Variants in DUOX1 observed in about 807,000 individuals in gnomAD.
DUOX1 encodes NADPH thyroid oxidase 1.
DUOX1 carries 134 observed loss-of-function variants against 181.8 expected under a neutral mutation model. The ratio of observed to expected loss-of-function variants is 0.74; its 90% CI spans 0.64 to 0.85. The LOEUF is 0.85. Among genes scored for constraint, DUOX1 ranks in the 40% least tolerant of loss-of-function variants. The pLI is 0.00. For synonymous variants in DUOX1, 798 were observed against 832.5 expected (o/e 0.96, Z 0.71); for missense variants, 1,814 against 2,064.4 (o/e 0.88, Z 2.35).
At chr15:45,162,704 C>A (rs1897139031) in intron 31 of DUOX1, among the ~76,000 whole-genome samples, 1 of 152,252 alleles carries the variant, frequency 6.6e-6, no homozygotes, top group African/African-American at 2.4e-5. Flanking sequence ...TTCCTTCTTA[C>A]AAAGGAGCCC....
At chr15:45,150,603 C>T in intron 21 of DUOX1, 29 bp from the exon 22 acceptor site, 2 of 1,610,782 alleles carry the variant, frequency 1.2e-6, no homozygotes, top group Non-Finnish European at 1.7e-6. Flanking sequence ...GGACCCTGAG[C>T]TGCTCCCTAG....
intron 9 of DUOX1, among the ~76,000 whole-genome samples, chr15:45,137,070 G>A (rs923573277): frequency 2.6e-5 from 4 of 151,848 alleles, no homozygotes; most frequent in Middle Eastern, 3.4e-3. Context: ...GACATAGGCC[G>A]GGAGCAGTGG....
chr15:45,149,813 T>G (rs896426078), intron 21 of DUOX1, among the ~76,000 whole-genome samples: 1 of 152,234 alleles, frequency 6.6e-6, no homozygotes, highest in Non-Finnish European at 1.5e-5. Context: ...ATTGTGCCAC[T>G]GCACTCCAAC....
intron 17 of DUOX1, 89 bp from the exon 18 acceptor site, chr15:45,144,806 C>T (rs1418034563): frequency 7.3e-7 from 1 of 1,375,514 alleles, no homozygotes; most frequent in African/African-American, 1.5e-5. Flanking sequence ...CAAGGCCACC[C>T]CAGTGGCCCC....
rs1454812200 is a variant in DUOX1 at position 45,164,801 on chromosome 15, G to A, written c.4556G>A (p.Ser1519Asn). 1 of 1,614,174 alleles carries A rather than the reference G, an allele frequency of 6.2e-7. No homozygotes were observed. Among genetic ancestry groups the A allele is most frequent in the Middle Eastern group, 1.6e-4 (1 of 6,062 alleles). Residue 1519 changes from serine (S) to asparagine (N), a missense_variant, in exon 34 of 34, where the codon AGC becomes AAC. Physicochemically the swap from Ser to Asn is conservative, Grantham distance 46. Transcript: ENST00000389037. ...HPQVRKIGVF[S>N]CGPPGMTKNV... Reference sequence around the variant, plus strand: ...CAGGTCCGGAAGATCGGGGTGTTTAGCTGTGGCCCCCCTGGCATGACCAAG... The same window carrying A: ...CAGGTCCGGAAGATCGGGGTGTTTAACTGTGGCCCCCCTGGCATGACCAAG...
chr15:45,141,782 GTACACTTC>G, intron 14 of DUOX1, 185 bp from the exon 15 acceptor site: 1 of 502,754 alleles, frequency 2.0e-6, no homozygotes, highest in East Asian at 3.1e-5. Flanking sequence ...GTGTGTGTGT[GTACACTTC>G]TGTGTGTGAG....
Position 45,142,094 on chromosome 15 carries a change from C to T in DUOX1, c.1804C>T (p.Leu602Phe). 1.2e-6 allele frequency: 2 copies of T among 1,613,822 alleles called. No individual in the cohort carries two copies. The highest frequency in any genetic ancestry group is 1.7e-6 in the Non-Finnish European group (2 of 1,179,894). The change falls in exon 15 of 34, where the codon CTC (leucine) becomes TTC (phenylalanine). Residue 602 changes from leucine (L) to phenylalanine (F), a missense_variant. Physicochemically the swap from Leu to Phe is conservative, Grantham distance 22 (BLOSUM62 0). Coordinates refer to ENST00000389037, the MANE Select transcript of DUOX1 (RefSeq NM_175940.3). ...GFGFGVTIGT[L>F]CCFPLVSLLS... ...TGGCTTCGGGGTCACCATCGGGACC[C>T]TCTGTTGCTTCCCTTTGGGTAAAAT...
At chr15:45,142,144 G>C (rs748578174) in intron 15 of DUOX1, 32 bp downstream of exon 15, 44 of 1,603,494 alleles carry the variant, frequency 2.7e-5, no homozygotes, top group Non-Finnish European at 3.6e-5. Context: ...GGTGGGGTGA[G>C]AGATGCAAGC....
At chr15:45,158,686 C>G (rs1271973403) in intron 28 of DUOX1, among the ~76,000 whole-genome samples, 1 of 111,658 alleles carries the variant, frequency 9.0e-6, no homozygotes, top group African/African-American at 3.6e-5. Flanking sequence ...TGGGTGACAG[C>G]GAGACTTCCA....
chr15:45,145,189 A>T, intron 18 of DUOX1, 109 bp downstream of exon 18: 1 of 1,073,362 alleles, frequency 9.3e-7, no homozygotes, highest in Non-Finnish European at 1.3e-6. Context: ...TCAGCTAATA[A>T]TCAAGTCTAT....
In DUOX1 at chr15:45,147,987, A is replaced by G. The variant is rs1896698614; in HGVS notation, c.2632A>G (p.Arg878Gly). The G allele has an allele frequency of 1.2e-6, 2 of 1,613,770 alleles. No homozygotes were observed. The highest frequency in any genetic ancestry group is 1.7e-6 in the Non-Finnish European group (2 of 1,179,640). Reference protein sequence around the residue: ...NGLISKDEFIRMLRSFIEISN... With the variant: ...NGLISKDEFIGMLRSFIEISN... ...CCTCATTTCCAAGGATGAGTTCATC[A>G]GGATGCTGAGGTTTGTTCTCTGGGA... The change falls in exon 20 of 34, where the codon AGG (arginine) becomes GGG (glycine). Residue 878 changes from arginine to glycine, a missense_variant. By Grantham distance (125) the Arg-to-Gly change is moderately radical. This residue lies in a region of DUOX1 where 1,064 missense variants were observed against 1,152.9 expected (regional missense o/e 0.92). Coordinates refer to ENST00000389037, the MANE Select transcript of DUOX1 (RefSeq NM_175940.3).
At chr15:45,152,226 C>G in intron 24 of DUOX1, 60 bp from the exon 25 acceptor site, 1 of 1,532,728 alleles carries the variant, frequency 6.5e-7, no homozygotes, top group Admixed American at 1.9e-5. Flanking sequence ...CCTACCGCCC[C>G]TAACCAGCTC....
intron 14 of DUOX1, 157 bp from the exon 15 acceptor site, chr15:45,141,818 G>C: frequency 1.5e-6 from 1 of 679,896 alleles, no homozygotes; most frequent in Non-Finnish European, 2.4e-6. Context: ...TGGAGGTTGG[G>C]ATTCATTTTT....
chr15:45,144,258 C>T (rs760341205), intron 17 of DUOX1, 23 bp downstream of exon 17: 26 of 1,612,810 alleles, frequency 1.6e-5, no homozygotes, highest in Non-Finnish European at 2.1e-5. Context: ...TGGCATCTGG[C>T]TCCTTGTCCA....
chr15:45,154,937 T>C (rs1330234119), intron 27 of DUOX1, among the ~76,000 whole-genome samples: 1 of 152,226 alleles, frequency 6.6e-6, no homozygotes, highest in East Asian at 1.9e-4. Context: ...TTGGGGACCC[T>C]AGTGATGAGC....
intron 1 of DUOX1, 94 bp from the exon 2 acceptor site, chr15:45,131,824 C>T (rs1896161625): frequency 2.3e-6 from 2 of 877,272 alleles, no homozygotes; most frequent in African/African-American, 1.7e-5. Context: ...GTGACCTTGG[C>T]CCAGCCCCAG....
At chr15:45,162,678 G>C (rs934907133) in intron 31 of DUOX1, among the ~76,000 whole-genome samples, 1 of 152,232 alleles carries the variant, frequency 6.6e-6, no homozygotes, top group Admixed American at 6.5e-5. Context: ...AAGGTTGGAG[G>C]GGGTAAAGAA....
Position 45,151,938 on chromosome 15 carries a change from C to T in DUOX1, c.3079C>T (p.Leu1027Phe). 1 of 1,614,096 alleles carries T rather than the reference C, an allele frequency of 6.2e-7. No homozygotes were observed. Among genetic ancestry groups the T allele is most frequent in the Non-Finnish European group, 8.5e-7 (1 of 1,180,012 alleles). ...CCGAGAGAAGTTCCAACGCAGCTGT[C>T]TCCACCAGACGGTGCAACAGTTCAA... is the stretch of plus-strand genomic sequence containing the variant. Reference protein sequence around the residue: ...AHREKFQRSCLHQTVQQFKRF... With the variant: ...AHREKFQRSCFHQTVQQFKRF... Residue 1027 changes from leucine (L) to phenylalanine (F), a missense_variant, in exon 24 of 34, where the codon CTC becomes TTC. This residue lies in a region of DUOX1 where 1,064 missense variants were observed against 1,152.9 expected (regional missense o/e 0.92). Coordinates refer to ENST00000389037, the MANE Select transcript of DUOX1 (RefSeq NM_175940.3).
At chr15:45,161,094 C>T in intron 29 of DUOX1, 104 bp downstream of exon 29, 1 of 1,528,230 alleles carries the variant, frequency 6.5e-7, no homozygotes, top group Non-Finnish European at 8.8e-7. Context: ...GTGGAGCTGG[C>T]AGGTGCCTTG....
Sources: gnomAD v4.1 joint callset for allele counts (sites outside exome capture counted in the v4.1 genomes callset) on GRCh38, gnomAD v4.1.1 for gene constraint, gnomAD v4.1.1 regional missense constraint, MANE v1.5 for transcripts, NCBI Gene and HGNC (gene_info 2026-07-23, HGNC 2026-07-21) for gene names.